The following FAM78B variants were observed in gnomAD, a reference collection of about 807,000 sequenced individuals.
FAM78B encodes protein FAM78B.
In FAM78B, 10 loss-of-function variants were observed where a neutral mutation model predicts 20.0. That is an observed-to-expected ratio of 0.50 (90% confidence interval 0.31 to 0.85). FAM78B has a LOEUF of 0.85. Ranked by LOEUF, FAM78B falls within the 40% of genes least tolerant of loss-of-function variation. FAM78B has a pLI of 0.05. For synonymous variants in FAM78B, 135 were observed against 132.8 expected (o/e 1.02, Z -0.12); for missense variants, 283 against 345.0 (o/e 0.82, Z 1.42).
chr1:166,105,343 A>G (rs928445358), intron 1 of FAM78B, among the ~76,000 whole-genome samples: 7 of 152,094 alleles, frequency 4.6e-5, no homozygotes, highest in African/African-American at 1.7e-4. Flanking sequence ...ACAAAAGCCA[A>G]AATTGACAAA....
chr1:166,113,720 G>A (rs74950522), intron 1 of FAM78B, among the ~76,000 whole-genome samples: 2,150 of 152,290 alleles, frequency 0.014, 51 homozygotes, highest in African/African-American at 0.049. Flanking sequence ...TAAGTATTTT[G>A]CCTTAAGCAG....
intron 1 of FAM78B, among the ~76,000 whole-genome samples, chr1:166,109,886 ATATG>A (rs1233745983): frequency 2.4e-3 from 45 of 18,528 alleles, no homozygotes; most frequent in South Asian, 0.014. Context: ...ATATATGTAT[ATATG>A]TATATATATA....
intron 1 of FAM78B, among the ~76,000 whole-genome samples, chr1:166,115,804 G>T (rs1447453988): frequency 6.6e-6 from 1 of 152,206 alleles, no homozygotes; most frequent in African/African-American, 2.4e-5. Context: ...ATGTTCTGGA[G>T]CCACTTTTGC....
At chr1:166,065,568 G>A (rs1176816220), downstream of FAM78B, among the ~76,000 whole-genome samples, 1 of 152,154 alleles carries the variant, frequency 6.6e-6, no homozygotes, top group Non-Finnish European at 1.5e-5. Flanking sequence ...TACATAAAGG[G>A]AATTTTAGGA....
chr1:166,101,864 C>T (rs920315443), intron 1 of FAM78B, among the ~76,000 whole-genome samples: 11 of 151,972 alleles, frequency 7.2e-5, no homozygotes, highest in African/African-American at 2.7e-4. Context: ...GAGAACACCA[C>T]AAAGATACTC....
intron 1 of FAM78B, among the ~76,000 whole-genome samples, chr1:166,074,842 G>A (rs1307803576): frequency 1.3e-5 from 2 of 152,178 alleles, no homozygotes; most frequent in Non-Finnish European, 2.9e-5. Flanking sequence ...ACAAAAATGA[G>A]TGTCAGAGAC....
chr1:166,058,550 G>A (rs1224288528), exon 3 of FAM78B: 1 of 151,518 alleles, frequency 6.6e-6, no homozygotes, highest in Non-Finnish European at 1.5e-5. Context: ...GTGTCTAACA[G>A]TTTGTATATA....
At chr1:166,118,615 T>C (rs1348572686) in intron 1 of FAM78B, among the ~76,000 whole-genome samples, 2 of 152,146 alleles carry the variant, frequency 1.3e-5, no homozygotes, top group Non-Finnish European at 2.9e-5. Context: ...TTGACTGTTT[T>C]CAGGCTATCA....
In FAM78B at chr1:166,069,880, G is replaced by T; in HGVS notation, c.*361C>A. 1.5e-6 allele frequency: 1 copy of T among 676,650 alleles called. No homozygotes were observed. Among genetic ancestry groups the T allele is most frequent in the Non-Finnish European group, 1.8e-6 (1 of 542,466 alleles). The allele number at this position is 676,650 out of a possible 1,614,324, so 41.9% of individuals were successfully genotyped here. The stretch of plus-strand genomic sequence containing the variant: ...CCTACTTCTAATTGGCTGGGAAGCA[G>T]CATTTGCCACAGGCACTGTTTAATT... On this transcript the variant is annotated 3_prime_UTR_variant, in exon 2 of 2. Coordinates refer to ENST00000354422, the MANE Select transcript of FAM78B (RefSeq NM_001017961.5).
intron 1 of FAM78B, among the ~76,000 whole-genome samples, chr1:166,098,422 A>G (rs1369054271): frequency 6.6e-6 from 1 of 152,174 alleles, no homozygotes; most frequent in Non-Finnish European, 1.5e-5. Flanking sequence ...AGAATTCAGA[A>G]GGTTAGTTAT....
intron 1 of FAM78B, among the ~76,000 whole-genome samples, chr1:166,081,572 C>A (rs910062038): frequency 6.6e-6 from 1 of 152,184 alleles, no homozygotes; most frequent in Non-Finnish European, 1.5e-5. Context: ...AGGGTCGTGT[C>A]CCCTGACCAC....
At chr1:166,104,501 C>CTT (rs1653680924) in intron 1 of FAM78B, among the ~76,000 whole-genome samples, 1 of 152,310 alleles carries the variant, frequency 6.6e-6, no homozygotes, top group South Asian at 2.1e-4. Context: ...GCAACTTTAG[C>CTT]AAAGTCTCAG....
Position 166,156,698 on chromosome 1 carries a change from C to T in FAM78B, c.263+9288G>A, listed in dbSNP as rs137982955. On this transcript the variant is annotated intron_variant, in intron 1 of 1. Coordinates refer to ENST00000354422, the MANE Select transcript of FAM78B (RefSeq NM_001017961.5). ...AAAGTACCTTAAAAATAGCTTTGGA[C>T]ACAAATGATTTCAGGTGTTGGTCTC... Among the ~76,000 whole-genome samples the T allele has an allele frequency of 7.0e-4, 106 of 152,242 alleles. 1 individual carries two copies. The highest frequency in any genetic ancestry group is 3.4e-3 in the Middle Eastern group (1 of 294).
At chr1:166,094,100 C>T (rs1451062967) in intron 1 of FAM78B, among the ~76,000 whole-genome samples, 2 of 150,666 alleles carry the variant, frequency 1.3e-5, no homozygotes, top group African/African-American at 4.9e-5. Context: ...GGGAAGGAAG[C>T]AGGACGTTGG....
intron 1 of FAM78B, among the ~76,000 whole-genome samples, chr1:166,157,037 G>C (rs937213634): frequency 0.39 from 1,353 of 3,512 alleles, 207 homozygotes; most frequent in Admixed American, 0.56. Context: ...GGGCGGCGGA[G>C]GGGGGGGGGG....
intron 1 of FAM78B, among the ~76,000 whole-genome samples, chr1:166,135,847 C>T (rs1480947295): frequency 6.6e-6 from 1 of 152,222 alleles, no homozygotes; most frequent in Non-Finnish European, 1.5e-5. Context: ...TGAATAGTCA[C>T]ATTCTGTGTG....
At chr1:166,078,684 T>C (rs1557891485) in intron 1 of FAM78B, among the ~76,000 whole-genome samples, 1 of 152,174 alleles carries the variant, frequency 6.6e-6, no homozygotes, top group Non-Finnish European at 1.5e-5. Context: ...CCTGAAGCCC[T>C]GCAGTCACTG....
chr1:166,079,783 A>C (rs1461315945), intron 1 of FAM78B, among the ~76,000 whole-genome samples: 1 of 152,182 alleles, frequency 6.6e-6, no homozygotes, highest in East Asian at 1.9e-4. Context: ...CTGACCTATA[A>C]CTTATAAATA....
At chr1:166,084,528 A>G (rs1459453413) in intron 1 of FAM78B, among the ~76,000 whole-genome samples, 1 of 152,200 alleles carries the variant, frequency 6.6e-6, no homozygotes, top group African/African-American at 2.4e-5. Context: ...CAGGGCCACA[A>G]GGGAAGAGTT....
Sources: allele counts gnomAD v4.1 joint callset (sites outside exome capture counted in the v4.1 genomes callset), GRCh38; gene constraint gnomAD v4.1.1; transcripts MANE v1.5; gene names NCBI Gene and HGNC (gene_info 2026-07-23, HGNC 2026-07-21).